Variants in VPS13B observed in about 807,000 individuals in gnomAD.
VPS13B encodes the protein vacuolar protein sorting 13 homolog B.
In VPS13B, 285 loss-of-function variants were observed where a neutral mutation model predicts 426.4. The ratio of observed to expected loss-of-function variants is 0.67; its 90% CI spans 0.61 to 0.74. The LOEUF (loss-of-function observed/expected upper bound fraction) is 0.74, where lower values mean the gene tolerates loss of function less well. Among genes scored for constraint, VPS13B ranks in the 30% least tolerant of loss-of-function variants. The pLI, the probability that VPS13B is intolerant of heterozygous loss-of-function variation, is 0.00. For synonymous variants in VPS13B, 1,676 were observed against 1,676.4 expected (o/e 1.00, Z 0.01); for missense variants, 4,537 against 4,782.6 (o/e 0.95, Z 1.51).
chr8:99,205,961 AAAT>A (rs1814691770), intron 17 of VPS13B, among the ~76,000 whole-genome samples: 2 of 152,326 alleles, frequency 1.3e-5, no homozygotes, highest in East Asian at 1.9e-4. Context: ...AATTTAATTA[AAAT>A]AATAAATTAT....
In VPS13B at chr8:99,725,284, G is replaced by T. The variant is rs147875094; in HGVS notation, c.7050+4237G>T. On this transcript the variant is annotated intron_variant, in intron 39 of 61. Transcript: ENST00000357162. The stretch of plus-strand genomic sequence containing the variant: ...TTGTCATCATGTCCTTTACAGCAGG[G>T]TCCCCCAGCCCATGGCCTGTTAGGA... Among the ~76,000 whole-genome samples, 558 of 152,246 alleles carry T rather than the reference G, an allele frequency of 3.7e-3. 3 individuals are homozygous for T. Among genetic ancestry groups the T allele is most frequent in the African/African-American group, 0.013 (529 of 41,548 alleles).
At chr8:99,050,849 T>C (rs1207160924) in intron 3 of VPS13B, among the ~76,000 whole-genome samples, 2 of 152,232 alleles carry the variant, frequency 1.3e-5, no homozygotes, top group Non-Finnish European at 2.9e-5. Flanking sequence ...GAAGTGTCTG[T>C]TCATATGCTT....
chr8:99,666,743 G>A lies in VPS13B; in HGVS notation c.6046+5252G>A, dbSNP rs1485776983. On this transcript the variant is annotated intron_variant, in intron 35 of 61. Coordinates refer to ENST00000357162, the MANE Select transcript of VPS13B (RefSeq NM_152564.5). ...AACTGGAAGCATTCCCTTTGAAAAC[G>A]GACACAAGACACGGATGCCCCCTCT... Among the ~76,000 whole-genome samples the A allele has an allele frequency of 3.9e-5, 6 of 151,942 alleles. No individual in the cohort carries two copies. The East Asian group carries it at 7.7e-4, about 20-fold the overall frequency.
At chr8:99,842,853 C>T (rs1046547908) in intron 54 of VPS13B, among the ~76,000 whole-genome samples, 1 of 152,004 alleles carries the variant, frequency 6.6e-6, no homozygotes, top group Non-Finnish European at 1.5e-5. Flanking sequence ...TTTCTTAGAC[C>T]TAACATATGT....
chr8:99,162,711 G>A (rs563808330), intron 15 of VPS13B, among the ~76,000 whole-genome samples: 3 of 152,158 alleles, frequency 2.0e-5, no homozygotes, highest in South Asian at 2.1e-4. Flanking sequence ...AGATCTTCGC[G>A]GTGAGTGTTA....
chr8:99,859,303 G>A lies in VPS13B; in HGVS notation c.10868-1G>A, dbSNP rs769244607. The A allele has an allele frequency of 6.2e-7, 1 of 1,613,536 alleles. No homozygotes were observed. The highest frequency in any genetic ancestry group is 1.1e-5 in the South Asian group (1 of 91,048). ...CACCCCTTCCCTCTTGTGCGTTGCA[G>A]GCTGGGTAGTTGGGTCTCTGGATAT... On this transcript the variant is annotated splice_acceptor_variant, in intron 56 of 61. Transcript: ENST00000357162. LOFTEE classifies it high-confidence loss of function.
In VPS13B at chr8:99,391,691, A is replaced by C; in HGVS notation, c.3069A>C (p.Thr1023=). The part of the protein sequence containing the change: ...ASEYASSPVK[T]KTVTESRPLS... The stretch of plus-strand genomic sequence containing the variant: ...AATATGCCAGCAGCCCTGTAAAAAC[A>C]AAAACGGTAACAGGTATGTGTCAAG... Residue 1023 remains threonine, a synonymous_variant, in exon 21 of 62, where the codon ACA becomes ACC. Transcript: ENST00000357162. The C allele has an allele frequency of 6.2e-7, 1 of 1,614,062 alleles. No individual in the cohort carries two copies. The highest frequency in any genetic ancestry group is 1.1e-5 in the South Asian group (1 of 91,080).
intron 17 of VPS13B, among the ~76,000 whole-genome samples, chr8:99,213,955 G>A (rs922449562): frequency 2.0e-5 from 3 of 151,792 alleles, no homozygotes; most frequent in Non-Finnish European, 2.9e-5. Flanking sequence ...TCTGGATGTG[G>A]TACTCCCCCA....
chr8:99,578,567 A>T (rs1332944079), intron 33 of VPS13B, among the ~76,000 whole-genome samples: 1 of 152,064 alleles, frequency 6.6e-6, no homozygotes, highest in Non-Finnish European at 1.5e-5. Flanking sequence ...TATTTATTCA[A>T]TATCTATTGT....
intron 17 of VPS13B, among the ~76,000 whole-genome samples, chr8:99,194,777 T>A (rs763350041): frequency 2.6e-5 from 4 of 152,192 alleles, no homozygotes; most frequent in Non-Finnish European, 5.9e-5. Context: ...TACCCAGAAG[T>A]GGGATTGCTT....
intron 39 of VPS13B, among the ~76,000 whole-genome samples, chr8:99,756,361 G>A (rs1810643450): frequency 6.6e-6 from 1 of 152,130 alleles, no homozygotes; most frequent in Non-Finnish European, 1.5e-5. Flanking sequence ...TCAGAGATCT[G>A]TGACACACCA....
chr8:99,593,978 AC>A (rs1719424014), intron 33 of VPS13B, among the ~76,000 whole-genome samples: 1 of 151,814 alleles, frequency 6.6e-6, no homozygotes, highest in African/African-American at 2.4e-5. Flanking sequence ...TGCACCTAAT[AC>A]CTAGGTGATG....
chr8:99,198,848 C>T (rs925548672), intron 17 of VPS13B, among the ~76,000 whole-genome samples: 2 of 151,448 alleles, frequency 1.3e-5, no homozygotes, highest in Non-Finnish European at 2.9e-5. Context: ...CTTTTTTCCC[C>T]CCGAGAACAA....
intron 8 of VPS13B, among the ~76,000 whole-genome samples, chr8:99,124,932 G>A (rs1848127161): frequency 6.8e-6 from 1 of 146,188 alleles, no homozygotes; most frequent in Non-Finnish European, 1.5e-5. Flanking sequence ...TGCTAAACAT[G>A]AATGAACCTG....
At chr8:99,803,720 G>A (rs1813249291) in intron 43 of VPS13B, among the ~76,000 whole-genome samples, 1 of 152,100 alleles carries the variant, frequency 6.6e-6, no homozygotes, top group Admixed American at 6.5e-5. Context: ...CCTTGAAAAA[G>A]CAATAATAAG....
At chr8:99,028,335 C>T (rs1312325163) in intron 2 of VPS13B, among the ~76,000 whole-genome samples, 2 of 150,540 alleles carry the variant, frequency 1.3e-5, no homozygotes, top group African/African-American at 4.9e-5. Flanking sequence ...GCTGGCCGGG[C>T]AGGGGGCTGA....
At chr8:99,679,631 T>G (rs1831076674) in intron 35 of VPS13B, among the ~76,000 whole-genome samples, 1 of 152,308 alleles carries the variant, frequency 6.6e-6, no homozygotes, top group South Asian at 2.1e-4. Context: ...TCATAGCACA[T>G]AAGACAGCAT....
At chr8:99,233,853 C>G in intron 17 of VPS13B, 1 of 779,828 alleles carries the variant, frequency 1.3e-6, no homozygotes, top group East Asian at 2.4e-5. Context: ...TCATCTGCCT[C>G]TTTCTGCATG....
chr8:99,796,865 C>T (rs1156606443), intron 43 of VPS13B: 1 of 152,230 alleles, frequency 6.6e-6, no homozygotes, highest in Non-Finnish European at 1.5e-5. Flanking sequence ...CCTGGTAACA[C>T]TGTCCCAGGA....
Sources: allele counts gnomAD v4.1 joint callset (sites outside exome capture counted in the v4.1 genomes callset), GRCh38; gene constraint gnomAD v4.1.1; transcripts MANE v1.5; gene names NCBI Gene and HGNC (gene_info 2026-07-23, HGNC 2026-07-21).